Variants in ZBBX observed in about 807,000 individuals in gnomAD.
ZBBX encodes zinc finger B-box domain containing.
Under a neutral mutation model 108.5 loss-of-function variants are expected in ZBBX, and 101 were observed. The observed-to-expected ratio is 0.93, with a 90% CI of 0.79 to 1.10. The LOEUF (loss-of-function observed/expected upper bound fraction) is 1.10, where lower values mean the gene tolerates loss of function less well. ZBBX is among the 50% of genes least tolerant of loss of function. The pLI is 0.00. For synonymous variants in ZBBX, 356 were observed against 323.4 expected (o/e 1.10, Z -1.08); for missense variants, 1,009 against 941.4 (o/e 1.07, Z -0.94).
rs1165253005 is a variant in ZBBX at position 167,337,755 on chromosome 3, TTAATAA to T, written c.529-3776_529-3771del. Among the ~76,000 whole-genome samples, 4 of 152,294 alleles carry T rather than the reference TTAATAA, an allele frequency of 2.6e-5. No individual in the cohort carries two copies. In the East Asian group the frequency reaches 7.7e-4, roughly 29 times the overall value. On this transcript the variant is annotated intron_variant, in intron 9 of 21. Coordinates refer to ENST00000675490, the MANE Select transcript of ZBBX (RefSeq NM_001199201.2). ...CAAAAGAAAACACACTGCCTTTCAC[TTAATAA>T]TATAACAATAATCATTTTGAGTAAC...
At chr3:167,378,939 TG>T (rs945132011) in intron 2 of ZBBX, among the ~76,000 whole-genome samples, 5 of 152,182 alleles carry the variant, frequency 3.3e-5, no homozygotes, top group African/African-American at 9.7e-5. Context: ...TTTGCATCTT[TG>T]TTTATATAGA....
chr3:167,308,348 T>C (rs761724946), intron 16 of ZBBX, among the ~76,000 whole-genome samples: 55 of 152,164 alleles, frequency 3.6e-4, no homozygotes, highest in Non-Finnish European at 4.6e-4. Flanking sequence ...GGAACACTTA[T>C]ACACTGTTGG....
the ZBBX span, among the ~76,000 whole-genome samples, chr3:167,192,954 T>A: frequency 6.6e-6 from 1 of 152,198 alleles, no homozygotes; most frequent in South Asian, 2.1e-4. Context: ...ATGTCACCAT[T>A]TTTTCAGAGT....
rs775417899 is a variant in ZBBX at position 167,298,289 on chromosome 3, T to C, written c.1879+16A>G. On this transcript the variant is annotated intron_variant, in intron 18 of 21. Coordinates refer to ENST00000675490, the MANE Select transcript of ZBBX (RefSeq NM_001199201.2). ...ATGAGAACAGACTGTTTTAGAAAAA[T>C]GAGCTAGAAATTTACCTGCAAGTGT... The C allele has an allele frequency of 6.3e-6, 10 of 1,580,214 alleles. No individual in the cohort carries two copies. Among genetic ancestry groups the C allele is most frequent in the Middle Eastern group, 1.7e-4 (1 of 5,958 alleles).
Position 167,305,869 on chromosome 3 carries a change from G to T in ZBBX, c.1499C>A (p.Thr500Asn). ...CTCCTTTAAATTTCTTTCAAAGGAG[G>T]TGCTTTCCTCAATTTTTTCAATGTC... ...SSDIEKIEES[T>N]SFERNLKEKN... The change falls in exon 17 of 22, where the codon ACC becomes AAC. Residue 500 changes from threonine (T) to asparagine (N), a missense_variant. Transcript: ENST00000675490. 1 of 1,608,734 alleles carries T rather than the reference G, an allele frequency of 6.2e-7. No homozygotes were observed. The highest frequency in any genetic ancestry group is 2.2e-5 in the East Asian group (1 of 44,716).
At chr3:167,366,805 G>T (rs142695318) in intron 5 of ZBBX, 8 of 455,310 alleles carry the variant, frequency 1.8e-5, no homozygotes, top group South Asian at 1.2e-4. Flanking sequence ...CAGCAACTCC[G>T]ATTCTCAGAT....
chr3:167,321,522 A>C (rs2108320032), intron 12 of ZBBX, among the ~76,000 whole-genome samples: 1 of 151,992 alleles, frequency 6.6e-6, no homozygotes, highest in South Asian at 2.1e-4. Flanking sequence ...TCCTCCAACA[A>C]CTTGCACCTC....
chr3:167,316,060 T>C (rs1735400312), intron 14 of ZBBX, among the ~76,000 whole-genome samples: 1 of 152,080 alleles, frequency 6.6e-6, no homozygotes, highest in Non-Finnish European at 1.5e-5. Flanking sequence ...CCAACAATAA[T>C]AACTTATATT....
the ZBBX span, among the ~76,000 whole-genome samples, chr3:167,225,161 AAGTTTAGCCAAAT>A: frequency 6.6e-6 from 1 of 151,906 alleles, no homozygotes; most frequent in Non-Finnish European, 1.5e-5. Flanking sequence ...AGTTTAAGCC[AAGTTTAGCCAAAT>A]ATCAGAAAGA....
chr3:167,287,846 A>G (rs902724770), intron 19 of ZBBX, among the ~76,000 whole-genome samples: 4 of 152,150 alleles, frequency 2.6e-5, no homozygotes, highest in Non-Finnish European at 5.9e-5. Context: ...AAAATTTTAT[A>G]TCTGACAGAT....
At chr3:167,280,037 C>T (rs1576874129) in intron 20 of ZBBX, among the ~76,000 whole-genome samples, 1 of 151,938 alleles carries the variant, frequency 6.6e-6, no homozygotes, top group Admixed American at 6.6e-5. Flanking sequence ...GGAAAACTGG[C>T]TAGCCATATG....
intron 1 of ZBBX, among the ~76,000 whole-genome samples, chr3:167,403,094 G>T (rs1204957961): frequency 6.6e-6 from 1 of 152,082 alleles, no homozygotes; most frequent in East Asian, 1.9e-4. Context: ...AATCCAGGAA[G>T]GTCGCTGAAT....
At chr3:167,365,809 A>T (rs761455111) in intron 6 of ZBBX, 77 bp downstream of exon 6, 3 of 971,042 alleles carry the variant, frequency 3.1e-6, no homozygotes, top group Non-Finnish European at 4.6e-6. Flanking sequence ...TCCTGAGTAT[A>T]GAAGAAAATG....
intron 12 of ZBBX, among the ~76,000 whole-genome samples, chr3:167,318,383 T>G (rs1735826697): frequency 2.0e-5 from 3 of 152,038 alleles, no homozygotes; most frequent in South Asian, 4.1e-4. Context: ...ACATTAAATT[T>G]TATTAGATAT....
At chr3:167,385,473 C>A (rs1339259623) in intron 1 of ZBBX, among the ~76,000 whole-genome samples, 1 of 151,902 alleles carries the variant, frequency 6.6e-6, no homozygotes, top group Non-Finnish European at 1.5e-5. Context: ...ACTTAGGCTA[C>A]CCTAAATTTT....
intron 1 of ZBBX, among the ~76,000 whole-genome samples, chr3:167,386,581 T>A (rs1747929608): frequency 1.3e-5 from 2 of 152,076 alleles, no homozygotes; most frequent in Admixed American, 1.3e-4. Flanking sequence ...CTAAAATCTC[T>A]TGTTTATTTT....
rs1576980519 is a variant in ZBBX, at chr3:167,317,019, C to T, written c.1180G>A (p.Val394Ile). 1 of 1,599,988 alleles carries T rather than the reference C, an allele frequency of 6.3e-7. No homozygotes were observed. Among genetic ancestry groups the T allele is most frequent in the East Asian group, 2.2e-5 (1 of 44,504 alleles). The stretch of plus-strand genomic sequence containing the variant: ...TATGCACTTACATCATCCAGTTCGA[C>T]TATCTTTAGAGATGGTTCAGGTCTC... The part of the protein sequence containing the change: ...IERPEPSLKI[V>I]ELDDTYEEEF... The change falls in exon 14 of 22, where the codon GTC (valine) becomes ATC (isoleucine). Residue 394 changes from valine to isoleucine, a missense_variant. Coordinates refer to ENST00000675490, the MANE Select transcript of ZBBX (RefSeq NM_001199201.2).
chr3:167,304,297 G>T (rs1282352399), intron 17 of ZBBX, among the ~76,000 whole-genome samples: 4 of 152,262 alleles, frequency 2.6e-5, no homozygotes, highest in Non-Finnish European at 5.9e-5. Flanking sequence ...TTAAGGTCAG[G>T]ATTCCTCACT....
rs1735039574 is a variant in ZBBX, at chr3:167,314,092, C to T, written c.1299G>A (p.Lys433=). 6.3e-7 allele frequency: 1 copy of T among 1,595,812 alleles called. No individual in the cohort carries two copies. The highest frequency in any genetic ancestry group is 8.5e-7 in the Non-Finnish European group (1 of 1,171,678). The part of the protein sequence containing the change: ...QRSCAFHDCQ[K]NSFPYENGIH... ...TGCCATTTTCATATGGAAAGCTATT[C>T]TTCTGACAATCATGAAAAGCACAAC... The change falls in exon 16 of 22, where the codon AAG becomes AAA. Residue 433 remains lysine (K), a synonymous_variant. Coordinates refer to ENST00000675490, the MANE Select transcript of ZBBX (RefSeq NM_001199201.2).
Sources: gnomAD v4.1 joint callset for allele counts (sites outside exome capture counted in the v4.1 genomes callset) on GRCh38, gnomAD v4.1.1 for gene constraint, MANE v1.5 for transcripts, NCBI Gene and HGNC (gene_info 2026-07-23, HGNC 2026-07-21) for gene names.